SV2C: variants seen among roughly 807,000 people sequenced by gnomAD.
The protein encoded by SV2C is solute carrier family 22 member B3.
In SV2C, 49 loss-of-function variants were observed where a neutral mutation model predicts 79.7. The observed-to-expected ratio is 0.61, with a 90% CI of 0.49 to 0.78. The LOEUF (loss-of-function observed/expected upper bound fraction) is 0.78, where lower values mean the gene tolerates loss of function less well. Among genes scored for constraint, SV2C ranks in the 30% least tolerant of loss-of-function variants. The pLI, the probability that SV2C is intolerant of heterozygous loss-of-function variation, is 0.00. For missense variants in SV2C, 833 were observed against 912.9 expected (o/e 0.91, Z 1.13); for synonymous variants, 334 against 333.2 (o/e 1.00, Z -0.03).
the SV2C span, among the ~76,000 whole-genome samples, chr5:75,889,316 G>A: frequency 3.8e-5 from 5 of 130,956 alleles, no homozygotes; most frequent in African/African-American, 1.2e-4. Context: ...TGTTCTCATT[G>A]TTCAACTCCC....
chr5:76,291,661 T>G (rs1747569947), intron 7 of SV2C, 107 bp from the exon 8 acceptor site: 1 of 745,774 alleles, frequency 1.3e-6, no homozygotes. Flanking sequence ...GTGAAATGAA[T>G]CCAACCCAAT....
chr5:76,256,472 T>G (rs774724510), intron 4 of SV2C, among the ~76,000 whole-genome samples: 23 of 152,188 alleles, frequency 1.5e-4, no homozygotes, highest in Non-Finnish European at 2.1e-4. Context: ...AAGTGTTGGC[T>G]AGGGTTAATC....
the SV2C span, among the ~76,000 whole-genome samples, chr5:75,904,244 G>T: frequency 6.6e-6 from 1 of 152,046 alleles, no homozygotes; most frequent in East Asian, 1.9e-4. Context: ...TTTGGCGAGG[G>T]TATTTTGTTT....
At chr5:76,177,236 A>ATC (rs201545113) in intron 2 of SV2C, among the ~76,000 whole-genome samples, 1 of 148,720 alleles carries the variant, frequency 6.7e-6, no homozygotes, top group Non-Finnish European at 1.5e-5. Context: ...TAATCTGTAT[A>ATC]TATGATTCTT....
chr5:76,318,367 G>A (rs1046026318), intron 12 of SV2C, among the ~76,000 whole-genome samples: 1 of 151,418 alleles, frequency 6.6e-6, no homozygotes, highest in East Asian at 2.0e-4. Context: ...GCAGTGAGCC[G>A]AGATCGTGCC....
rs70979384 is a variant in SV2C at position 76,223,444 on chromosome 5, CATATATATATATATATATAT to C, written c.913+13590_913+13609del. ...CCCTGTCTCTTTATATACATACATA[CATATATATATATATATATAT>C]ATATATATATATATATATATATATA... On this transcript the variant is annotated intron_variant, in intron 4 of 12. Coordinates refer to ENST00000502798, the MANE Select transcript of SV2C (RefSeq NM_014979.4). 1.4e-3 allele frequency among the ~76,000 whole-genome samples: 64 copies of C among 45,782 alleles called. 1 individual carries two copies. The highest frequency in any genetic ancestry group is 5.9e-3 in the East Asian group (7 of 1,192). The allele number at this position is 45,782 out of a possible 152,430, so 30.0% of individuals were successfully genotyped here.
the SV2C span, among the ~76,000 whole-genome samples, chr5:76,048,973 A>AAGAAAGAAAGAAAG: frequency 4.1e-5 from 3 of 73,976 alleles, no homozygotes; most frequent in African/African-American, 1.5e-4. Flanking sequence ...AAGAGAAAGA[A>AAGAAAGAAAGAAAG]AGAAAGAAAG....
chr5:75,982,307 G>A, the SV2C span, among the ~76,000 whole-genome samples: 4 of 151,266 alleles, frequency 2.6e-5, no homozygotes, highest in Admixed American at 6.6e-5. Flanking sequence ...GGCAAAGGAC[G>A]TGAACAGACA....
chr5:75,965,478 A>G, the SV2C span, among the ~76,000 whole-genome samples: 3 of 152,260 alleles, frequency 2.0e-5, no homozygotes, highest in African/African-American at 7.2e-5. Flanking sequence ...CTATTCTGCC[A>G]TGTGACACAC....
At chr5:76,058,736 G>T in the SV2C span, among the ~76,000 whole-genome samples, 3 of 152,192 alleles carry the variant, frequency 2.0e-5, no homozygotes, top group African/African-American at 7.2e-5. Context: ...TTCAAAATTA[G>T]TATAGTAAAG....
At chr5:75,948,215 A>G in the SV2C span, among the ~76,000 whole-genome samples, 1 of 152,086 alleles carries the variant, frequency 6.6e-6, no homozygotes, top group Non-Finnish European at 1.5e-5. Flanking sequence ...CCTTACATCC[A>G]TGGAATTCCA....
At chr5:75,941,594 A>C in the SV2C span, among the ~76,000 whole-genome samples, 4 of 152,218 alleles carry the variant, frequency 2.6e-5, no homozygotes, top group South Asian at 6.2e-4. Context: ...TGTCCAGCTA[A>C]AATACCTATG....
chr5:75,853,607 CAAAAAAAA>C, the SV2C span, among the ~76,000 whole-genome samples: 4 of 28,460 alleles, frequency 1.4e-4, no homozygotes, highest in African/African-American at 3.2e-4. Context: ...GACTCCGTCT[CAAAAAAAA>C]AAAAAAAAAA....
At chr5:76,005,035 T>C in the SV2C span, among the ~76,000 whole-genome samples, 1 of 152,188 alleles carries the variant, frequency 6.6e-6, no homozygotes, top group African/African-American at 2.4e-5. Flanking sequence ...CCATCATAGA[T>C]TTATAGGTTT....
At chr5:76,310,196 A>AGAT (rs1748382308) in intron 12 of SV2C, among the ~76,000 whole-genome samples, 1 of 152,254 alleles carries the variant, frequency 6.6e-6, no homozygotes, top group Admixed American at 6.5e-5. Context: ...TCCAACAAAC[A>AGAT]GATAAGTAAA....
intron 1 of SV2C, among the ~76,000 whole-genome samples, chr5:76,125,338 AT>A: frequency 6.6e-6 from 1 of 152,224 alleles, no homozygotes; most frequent in African/African-American, 2.4e-5. Flanking sequence ...TTTAATGTAG[AT>A]TTTCTGCCTT....
chr5:76,275,964 A>G (rs1747011667), intron 4 of SV2C, among the ~76,000 whole-genome samples: 1 of 152,240 alleles, frequency 6.6e-6, no homozygotes, highest in Non-Finnish European at 1.5e-5. Flanking sequence ...TGTGGTGCCA[A>G]TATAAAAGGT....
At chr5:76,189,818 CT>C (rs948198209) in intron 2 of SV2C, among the ~76,000 whole-genome samples, 3 of 151,484 alleles carry the variant, frequency 2.0e-5, no homozygotes, top group East Asian at 1.9e-4. Context: ...TTTTCTCAGT[CT>C]TTTTTTTTGT....
intron 4 of SV2C, among the ~76,000 whole-genome samples, chr5:76,257,990 G>A (rs994676913): frequency 6.7e-6 from 1 of 149,304 alleles, no homozygotes; most frequent in Non-Finnish European, 1.5e-5. Flanking sequence ...ATAAATGGGT[G>A]TATGTAGTAT....
Sources: allele counts gnomAD v4.1 joint callset (sites outside exome capture counted in the v4.1 genomes callset), GRCh38; gene constraint gnomAD v4.1.1; transcripts MANE v1.5; gene names NCBI Gene and HGNC (gene_info 2026-07-23, HGNC 2026-07-21).